MRC2: variants seen among roughly 807,000 people sequenced by gnomAD.
MRC2 encodes mannose receptor C-type 2, also known as C-type mannose receptor 2.
A neutral mutation model predicts 206.2 loss-of-function variants in MRC2; 84 were observed. The observed-to-expected ratio is 0.41, with a 90% CI of 0.34 to 0.49. The LOEUF (loss-of-function observed/expected upper bound fraction) is 0.49. Ranked by LOEUF, MRC2 falls within the 20% of genes least tolerant of loss-of-function variation. The probability of loss-of-function intolerance (pLI) is 0.31; values close to 1 mark genes in which losing one functional copy is unlikely to be tolerated. For synonymous variants in MRC2, 798 were observed against 800.0 expected, an observed-to-expected ratio of 1.00 and a Z score of 0.04; for missense variants, 1,676 against 2,001.5, an observed-to-expected ratio of 0.84 and a Z score of 3.10.
chr17:62,630,031 A>G (rs368989481), intron 1 of MRC2, among the ~76,000 whole-genome samples: 3 of 150,888 alleles, frequency 2.0e-5, no homozygotes, highest in Admixed American at 6.6e-5. Flanking sequence ...GGAGACTGTC[A>G]CTGGAAGGAG....
intron 20 of MRC2, among the ~76,000 whole-genome samples, chr17:62,683,486 AAAAAAAAACAAC>A (rs2088995094): frequency 6.7e-6 from 1 of 149,760 alleles, no homozygotes; most frequent in Non-Finnish European, 1.5e-5. Flanking sequence ...TAAACAAAGA[AAAAAAAAACAAC>A]AAAAAAAACA....
intron 1 of MRC2, among the ~76,000 whole-genome samples, chr17:62,643,243 A>G (rs1334907398): frequency 2.7e-5 from 4 of 150,844 alleles, no homozygotes; most frequent in African/African-American, 9.8e-5. Flanking sequence ...CAAGAGAATC[A>G]CTTGAAACCG....
rs367588202 is a variant in MRC2 at position 62,676,403 on chromosome 17, G to A, written c.1706G>A (p.Ser569Asn). 2.5e-5 allele frequency: 40 copies of A among 1,613,932 alleles called. No homozygotes were observed. Among genetic ancestry groups the A allele is most frequent in the Non-Finnish European group, 3.3e-5 (39 of 1,179,976 alleles). ...ITNRFEQAFV[S>N]SLIYNWEGEY... is the part of the protein sequence containing the mutation. ...TGAAGGTTCGAGCAGGCCTTCGTCA[G>A]CAGCCTCATCTACAACTGGGAGGGC... is the stretch of plus-strand genomic sequence containing the variant. The change falls in exon 11 of 30, where the codon AGC (serine) becomes AAC (asparagine). Residue 569 changes from serine (S) to asparagine (N), a missense_variant. Physicochemically the swap from Ser to Asn is conservative, Grantham distance 46 (BLOSUM62 1). Transcript: ENST00000303375.
At chr17:62,656,633 T>C (rs2088622367) in intron 1 of MRC2, among the ~76,000 whole-genome samples, 1 of 152,224 alleles carries the variant, frequency 6.6e-6, no homozygotes, top group East Asian at 1.9e-4. Context: ...TCCTCTGACA[T>C]GGCCTTGGTG....
chr17:62,646,551 A>G (rs1220259854), intron 1 of MRC2, among the ~76,000 whole-genome samples: 1 of 152,232 alleles, frequency 6.6e-6, no homozygotes, highest in East Asian at 1.9e-4. Flanking sequence ...TGTGGATCCC[A>G]GTCAGGGTGA....
rs1201996433 is a variant in MRC2, at chr17:62,645,497, TTATATA to T, written c.118+17603_118+17608del. On this transcript the variant is annotated intron_variant, in intron 1 of 29. Transcript: ENST00000303375. ...CACATAATATGTGTGTGTGTATATA[TTATATA>T]TATATATATATATATATATATATAT... Among the ~76,000 whole-genome samples, 723 of 93,326 alleles carry T rather than the reference TTATATA, an allele frequency of 7.7e-3. 10 individuals are homozygous for T. The highest frequency in any genetic ancestry group is 0.011 in the Non-Finnish European group (538 of 50,910). 61.2% of individuals were successfully genotyped at this position (93,326 alleles called of 152,430 possible).
rs143106014 is a variant in MRC2 at position 62,639,677 on chromosome 17, T to G, written c.118+11757T>G. 7.0e-4 allele frequency among the ~76,000 whole-genome samples: 107 copies of G among 152,234 alleles called. 3 individuals are homozygous for G. In the East Asian group the frequency reaches 0.018, roughly 26 times the overall value. ...TCTCACTCTGTTGCCCGGGCTGGAG[T>G]GCAGTGGCACAATCATAGTTCACTA... On this transcript the variant is annotated intron_variant, in intron 1 of 29. Transcript: ENST00000303375.
At chr17:62,636,247 TCG>T (rs1383707097) in intron 1 of MRC2, among the ~76,000 whole-genome samples, 2 of 84,722 alleles carry the variant, frequency 2.4e-5, no homozygotes, top group African/African-American at 1.0e-4. Flanking sequence ...TGAGACCCTG[TCG>T]CAAAAAAAAA....
intron 1 of MRC2, among the ~76,000 whole-genome samples, chr17:62,658,338 A>G (rs2088641747): frequency 1.3e-5 from 2 of 152,212 alleles, no homozygotes; most frequent in Admixed American, 6.5e-5. Flanking sequence ...GGAACATGCC[A>G]TGCACCTAGC....
rs59698063 is a variant in MRC2, at chr17:62,643,327, CA to C, written c.118+15427del. ...TGGGTGACAAAGAGTGAAACTCCGTCAAAAAAAAAAAAAAAAAAAAGAAAAA... is the reference window on the plus strand; with the variant it reads ...TGGGTGACAAAGAGTGAAACTCCGTCAAAAAAAAAAAAAAAAAAAGAAAAA... On this transcript the variant is annotated intron_variant, in intron 1 of 29. Transcript: ENST00000303375. 6.0e-3 allele frequency among the ~76,000 whole-genome samples: 264 copies of C among 44,112 alleles called. 1 individual carries two copies. The highest frequency in any genetic ancestry group is 0.025 in the Admixed American group (95 of 3,748). The allele number at this position is 44,112 out of a possible 152,430, so 28.9% of individuals were successfully genotyped here.
In MRC2 at chr17:62,681,146, G is replaced by A. The variant is rs1204637068; in HGVS notation, c.2702+17G>A. 1.9e-6 allele frequency: 3 copies of A among 1,612,186 alleles called. No individual in the cohort carries two copies. The highest frequency in any genetic ancestry group is 2.5e-6 in the Non-Finnish European group (3 of 1,179,450). On this transcript the variant is annotated intron_variant, in intron 18 of 29. Coordinates refer to ENST00000303375, the MANE Select transcript of MRC2 (RefSeq NM_006039.5). ...GCGCTTCAGGTAGGAACCCAGGCAGGCAGCAGATGTGGAAGGGGGCTGGCT... is the reference window on the plus strand; with the variant it reads ...GCGCTTCAGGTAGGAACCCAGGCAGACAGCAGATGTGGAAGGGGGCTGGCT...
chr17:62,673,666 A>G (rs139606662), intron 8 of MRC2, among the ~76,000 whole-genome samples: 15 of 152,004 alleles, frequency 9.9e-5, no homozygotes, highest in African/African-American at 3.1e-4. Flanking sequence ...GCACCACCAC[A>G]ACCGGCTAAC....
At chr17:62,639,882 T>G (rs1241754814) in intron 1 of MRC2, among the ~76,000 whole-genome samples, 1 of 151,350 alleles carries the variant, frequency 6.6e-6, no homozygotes, top group Non-Finnish European at 1.5e-5. Flanking sequence ...AGACAGAGTT[T>G]TGCACTTGTT....
intron 1 of MRC2, among the ~76,000 whole-genome samples, chr17:62,651,148 A>C (rs141271555): frequency 2.3e-4 from 35 of 150,104 alleles, no homozygotes; most frequent in Admixed American, 4.7e-4. Flanking sequence ...CAGTAGTGCG[A>C]TCTCGGCTCA....
rs761693807 is a variant in MRC2, at chr17:62,690,052, G to A, written c.3732G>A (p.Gly1244=). Residue 1244 remains glycine (G), a synonymous_variant, in exon 25 of 30, where the codon GGG becomes GGA. Transcript: ENST00000303375. ...CCAAGCTGCAGGGGGCTGTGTGTGG[G>A]GTTAGCAGTGGTGAGTGCCCACCTG... is the stretch of plus-strand genomic sequence containing the variant. ...CDTKLQGAVC[G]VSSGPPPPRR... is the part of the protein sequence containing the mutation. The A allele has an allele frequency of 1.9e-6, 3 of 1,599,674 alleles. No homozygotes were observed. The highest frequency in any genetic ancestry group is 2.7e-5 in the African/African-American group (2 of 74,812).
intron 8 of MRC2, among the ~76,000 whole-genome samples, chr17:62,673,636 A>G (rs1598988341): frequency 6.6e-6 from 1 of 151,594 alleles, no homozygotes; most frequent in Admixed American, 6.6e-5. Context: ...AGCCTCCCAA[A>G]TAGCTGGGAT....
At chr17:62,627,999 C>G in intron 1 of MRC2, 79 bp downstream of exon 1, 1 of 938,594 alleles carries the variant, frequency 1.1e-6, no homozygotes, top group Non-Finnish European at 1.5e-6. Flanking sequence ...CGACTTTTCC[C>G]TCCTTTTCCC....
Position 62,675,915 on chromosome 17 carries a change from G to A in MRC2, c.1685+10G>A, listed in dbSNP as rs922456018. On this transcript the variant is annotated intron_variant, in intron 10 of 29. Coordinates refer to ENST00000303375, the MANE Select transcript of MRC2 (RefSeq NM_006039.5). This position sits in a 1 kb window ranked among gnomAD's most constrained non-coding sequence, Gnocchi z 4.1. Reference sequence around the variant, plus strand: ...TCACCATCACCAACAGGTACAGCAGGGGCGGGTGCCCTGACTAGCCCTTGC... The same window carrying A: ...TCACCATCACCAACAGGTACAGCAGAGGCGGGTGCCCTGACTAGCCCTTGC... 1.2e-6 allele frequency: 2 copies of A among 1,612,502 alleles called. No individual in the cohort carries two copies. The highest frequency in any genetic ancestry group is 2.7e-5 in the African/African-American group (2 of 74,904).
intron 1 of MRC2, among the ~76,000 whole-genome samples, chr17:62,634,789 T>G (rs1345573222): frequency 6.6e-6 from 1 of 152,114 alleles, no homozygotes; most frequent in African/African-American, 2.4e-5. Context: ...CCAGCCCCTT[T>G]TAAAGATGGA....
Sources: gnomAD v4.1 joint callset for allele counts (sites outside exome capture counted in the v4.1 genomes callset) on GRCh38, gnomAD v4.1.1 for gene constraint, Gnocchi (gnomAD v3.1) non-coding constraint, MANE v1.5 for transcripts, NCBI Gene and HGNC (gene_info 2026-07-23, HGNC 2026-07-21) for gene names.